LACTBL1: variants seen among roughly 807,000 people sequenced by gnomAD.
LACTBL1 encodes beta-lactamase-like protein 1.
Under a neutral mutation model 39.6 loss-of-function variants are expected in LACTBL1, and 29 were observed. That is an observed-to-expected ratio of 0.73 (90% confidence interval 0.55 to 1.00). LACTBL1 has a LOEUF of 1.00. Ranked by LOEUF, LACTBL1 falls within the 50% of genes least tolerant of loss-of-function variation. The pLI is 0.00. For synonymous variants in LACTBL1, 361 were observed against 360.7 expected (o/e 1.00, Z -0.01); for missense variants, 711 against 748.5 (o/e 0.95, Z 0.59).
At chr1:22,968,314 G>C (rs1000836042), upstream of LACTBL1, among the ~76,000 whole-genome samples, 3 of 152,164 alleles carry the variant, frequency 2.0e-5, no homozygotes, top group African/African-American at 4.8e-5. Context: ...TCCTGTGCTA[G>C]AAGTGAAATT....
chr1:22,968,855 T>G (rs1192088464), upstream of LACTBL1, among the ~76,000 whole-genome samples: 1 of 152,364 alleles, frequency 6.6e-6, no homozygotes, highest in African/African-American at 2.4e-5. Context: ...TCTGACACAT[T>G]GTAAGCCCTG....
chr1:22,964,910 C>G (rs1640861925), intron 1 of LACTBL1, among the ~76,000 whole-genome samples: 1 of 152,186 alleles, frequency 6.6e-6, no homozygotes, highest in Non-Finnish European at 1.5e-5. Context: ...CTATTGAGGT[C>G]TTAGATACAG....
At chr1:22,953,353 C>A (rs1640724725) in exon 6 of LACTBL1, 8 of 1,228,872 alleles carry the variant, frequency 6.5e-6, no homozygotes, top group Admixed American at 4.2e-5. Flanking sequence ...CGGCCCGGCG[C>A]GCACCTCGTA....
chr1:22,956,870 T>A (rs1277192261), intron 4 of LACTBL1, among the ~76,000 whole-genome samples: 1 of 152,028 alleles, frequency 6.6e-6, no homozygotes, highest in Non-Finnish European at 1.5e-5. Context: ...GATTTAAGAT[T>A]CAAAGGAAAT....
chr1:22,965,867 TCTA>T (rs1173140922), upstream of LACTBL1, among the ~76,000 whole-genome samples: 1 of 152,162 alleles, frequency 6.6e-6, no homozygotes, highest in Admixed American at 6.5e-5. Context: ...ATTTCATTCT[TCTA>T]CTTATATAAA....
At chr1:22,971,765 G>T in the LACTBL1 span, among the ~76,000 whole-genome samples, 1 of 152,228 alleles carries the variant, frequency 6.6e-6, no homozygotes, top group Non-Finnish European at 1.5e-5. Context: ...CTGGACAAAT[G>T]ACCTCACCCT....
At chr1:22,970,176 A>G (rs1409242518), upstream of LACTBL1, among the ~76,000 whole-genome samples, 1 of 152,252 alleles carries the variant, frequency 6.6e-6, no homozygotes, top group East Asian at 1.9e-4. Context: ...ATCTTTGGTC[A>G]TAATATTCAA....
chr1:22,966,853 T>A (rs933582382), upstream of LACTBL1, among the ~76,000 whole-genome samples: 8 of 152,196 alleles, frequency 5.3e-5, no homozygotes, highest in Non-Finnish European at 1.0e-4. Flanking sequence ...AGGGTCTGCC[T>A]GGGCCCCTCT....
At position 22,953,268 on chromosome 1, in the gene LACTBL1, C is replaced by G. The variant is rs543713765; in HGVS notation, c.1416G>C (p.Ala472=). 18 of 1,231,552 alleles carry G rather than the reference C, an allele frequency of 1.5e-5. No homozygotes were observed. The South Asian group carries it at 4.5e-4, about 31-fold the overall frequency. 76.3% of individuals were successfully genotyped at this position (1,231,552 alleles called of 1,614,324 possible). A position where few individuals can be genotyped will look rare whatever the true frequency, so the allele number is the denominator to read the frequency against. The change falls in exon 6 of 6, where the codon GCG becomes GCC. Residue 472 remains alanine (A), a synonymous_variant. Transcript: ENST00000426928. Reference sequence around the variant, plus strand: ...AGACGCGGCCGTGCAGGTGGCGCAGCGCCAGGGTGCGGAACGCTGGAGGCA... The same window carrying G: ...AGACGCGGCCGTGCAGGTGGCGCAGGGCCAGGGTGCGGAACGCTGGAGGCA...
chr1:22,967,089 CT>C (rs1250908099), upstream of LACTBL1, among the ~76,000 whole-genome samples: 1 of 152,122 alleles, frequency 6.6e-6, no homozygotes, highest in Non-Finnish European at 1.5e-5. Context: ...TAAACATTGG[CT>C]GGGTGAAGTG....
At chr1:22,969,572 G>A (rs1037740000), upstream of LACTBL1, among the ~76,000 whole-genome samples, 2 of 152,088 alleles carry the variant, frequency 1.3e-5, no homozygotes, top group African/African-American at 2.4e-5. Context: ...TCTATGATCC[G>A]ACTCCAGCGA....
the LACTBL1 span, chr1:22,972,198 A>G: frequency 1.2e-5 from 4 of 328,088 alleles, no homozygotes; most frequent in Non-Finnish European, 1.7e-5. Context: ...GATGAAGGTA[A>G]CGTGGGGGGG....
chr1:22,962,190 T>C (rs1640829448), intron 2 of LACTBL1, among the ~76,000 whole-genome samples: 1 of 152,200 alleles, frequency 6.6e-6, no homozygotes, highest in African/African-American at 2.4e-5. Flanking sequence ...TATGAAAATT[T>C]GCTATAACTC....
At chr1:22,969,463 G>A (rs1570504765), upstream of LACTBL1, among the ~76,000 whole-genome samples, 1 of 152,006 alleles carries the variant, frequency 6.6e-6, no homozygotes, top group African/African-American at 2.4e-5. Context: ...ATCCCTCCCT[G>A]TCCAACCCTG....
At chr1:22,953,279 G>A (rs894448997) in exon 6 of LACTBL1, 3 of 1,231,294 alleles carry the variant, frequency 2.4e-6, no homozygotes, top group East Asian at 3.2e-5. Flanking sequence ...GCCAGGGTGC[G>A]GAACGCTGGA....
intron 1 of LACTBL1, 126 bp downstream of exon 3, chr1:22,965,164 A>T: frequency 2.6e-6 from 2 of 772,098 alleles, no homozygotes; most frequent in Non-Finnish European, 3.6e-6. Context: ...CTCAGAATGG[A>T]GTCCAGAGCT....
At chr1:22,955,186 G>T in intron 5 of LACTBL1, 135 bp downstream of exon 7, 1 of 647,316 alleles carries the variant, frequency 1.5e-6, no homozygotes, top group Middle Eastern at 3.1e-4. Flanking sequence ...TCTAGGTCTT[G>T]CCCTTTGCAG....
chr1:22,961,850 G>A (rs992289154), intron 2 of LACTBL1, among the ~76,000 whole-genome samples: 18 of 152,236 alleles, frequency 1.2e-4, no homozygotes, highest in Non-Finnish European at 1.2e-4. Context: ...GGGTTCAAGC[G>A]ATTCTTCTGC....
intron 4 of LACTBL1, among the ~76,000 whole-genome samples, chr1:22,956,372 A>C (rs1241682560): frequency 1.3e-5 from 2 of 152,076 alleles, no homozygotes; most frequent in Non-Finnish European, 2.9e-5. Flanking sequence ...CCCTGCCAAA[A>C]AAAGGAGAAG....
Sources: allele counts gnomAD v4.1 joint callset (sites outside exome capture counted in the v4.1 genomes callset), GRCh38; gene constraint gnomAD v4.1.1; transcripts MANE v1.5; gene names NCBI Gene and HGNC (gene_info 2026-07-23, HGNC 2026-07-21).